PHIP: variants seen among roughly 807,000 people sequenced by gnomAD.
PHIP encodes the protein PHIP subunit of CUL4-Ring ligase complex.
In PHIP, 54 loss-of-function variants were observed where a neutral mutation model predicts 236.8. The ratio of observed to expected loss-of-function variants is 0.23; its 90% confidence interval spans 0.18 to 0.29. PHIP has a LOEUF of 0.29. Ranked by LOEUF, PHIP falls within the 10% of genes least tolerant of loss-of-function variation. The pLI is 1.00. For missense variants in PHIP, 1,370 were observed against 2,190.8 expected (o/e 0.63, Z 7.48); for synonymous variants, 756 against 718.9 (o/e 1.05, Z -0.83).
At chr6:79,009,233 T>C (rs954992128) in intron 15 of PHIP, among the ~76,000 whole-genome samples, 14 of 152,162 alleles carry the variant, frequency 9.2e-5, no homozygotes, top group African/African-American at 3.4e-4. Context: ...CAATTTGTTT[T>C]TCGTCATTAT....
At chr6:79,042,369 G>A (rs564391691) in intron 7 of PHIP, among the ~76,000 whole-genome samples, 1 of 152,032 alleles carries the variant, frequency 6.6e-6, no homozygotes, top group South Asian at 2.1e-4. Context: ...GATATGCTCA[G>A]AATTTTTTAG....
chr6:79,008,408 A>G (rs762831493), intron 15 of PHIP, among the ~76,000 whole-genome samples: 3 of 152,122 alleles, frequency 2.0e-5, no homozygotes, highest in African/African-American at 4.8e-5. Context: ...TCAGCTCTAG[A>G]TTTTCATCAA....
At position 78,965,982 on chromosome 6, in the gene PHIP, C is replaced by T. The variant is rs1582123376; in HGVS notation, c.3280G>A (p.Glu1094Lys). Reference protein sequence around the residue: ...TIESQEPLQLEYPDSLFQCYN... With the variant: ...TIESQEPLQLKYPDSLFQCYN... Reference sequence around the variant, plus strand: ...CATTGAAACAGACTATCAGGGTACTCAAGTTGAAGAGGTTCCTGGCTTTCG... The same window carrying T: ...CATTGAAACAGACTATCAGGGTACTTAAGTTGAAGAGGTTCCTGGCTTTCG... The change falls in exon 28 of 40, where the codon GAG (glutamate) becomes AAG (lysine). Residue 1094 changes from glutamate (E) to lysine (K), a missense_variant. Around this residue, in one of 14 missense-constraint regions of PHIP, gnomAD observed 238 missense variants for 398.5 expected, o/e 0.60. Transcript: ENST00000275034. 6.2e-7 allele frequency: 1 copy of T among 1,612,848 alleles called. No individual in the cohort carries two copies. The highest frequency in any genetic ancestry group is 2.2e-5 in the East Asian group (1 of 44,852).
At chr6:79,015,552 A>C (rs1770795629) in intron 14 of PHIP, 78 bp downstream of exon 14, 1 of 1,093,700 alleles carries the variant, frequency 9.1e-7, no homozygotes, top group African/African-American at 1.6e-5. Context: ...AACATAAAAG[A>C]CTTTATTCCT....
In PHIP at chr6:78,941,338, G is replaced by A; in HGVS notation, c.4829-8C>T. 1.2e-6 allele frequency: 2 copies of A among 1,605,864 alleles called. No homozygotes were observed. The highest frequency in any genetic ancestry group is 1.7e-6 in the Non-Finnish European group (2 of 1,175,396). ...CGTTGTTCTTACAATCTCCTAAAAGGGAACAACAGTACACTTAATATATGG... is the reference window on the plus strand; with the variant it reads ...CGTTGTTCTTACAATCTCCTAAAAGAGAACAACAGTACACTTAATATATGG... On this transcript the variant is annotated splice_region_variant and splice_polypyrimidine_tract_variant and intron_variant, in intron 39 of 39. Coordinates refer to ENST00000275034, the MANE Select transcript of PHIP (RefSeq NM_017934.7).
At chr6:78,960,797 A>C (rs183128414) in intron 31 of PHIP, among the ~76,000 whole-genome samples, 1 of 152,254 alleles carries the variant, frequency 6.6e-6, no homozygotes, top group East Asian at 1.9e-4. Context: ...ATAGCCCCTC[A>C]CAATGAGATA....
intron 7 of PHIP, among the ~76,000 whole-genome samples, chr6:79,039,410 T>C (rs1772099740): frequency 6.6e-6 from 1 of 151,748 alleles, no homozygotes; most frequent in African/African-American, 2.4e-5. Flanking sequence ...TCTAGTAAAT[T>C]TCCCTTACCA....
At chr6:79,018,808 C>G (rs1770967023) in intron 10 of PHIP, among the ~76,000 whole-genome samples, 1 of 151,934 alleles carries the variant, frequency 6.6e-6, no homozygotes, top group African/African-American at 2.4e-5. Context: ...AACATTCATT[C>G]TTTAACAGGG....
chr6:79,033,900 G>T (rs1161441031), intron 7 of PHIP, among the ~76,000 whole-genome samples: 3 of 152,100 alleles, frequency 2.0e-5, no homozygotes, highest in Non-Finnish European at 4.4e-5. Flanking sequence ...GCCATTGTAG[G>T]GTTATTAATT....
At chr6:78,992,220 C>T (rs1769310871) in intron 19 of PHIP, among the ~76,000 whole-genome samples, 1 of 152,072 alleles carries the variant, frequency 6.6e-6, no homozygotes, top group Non-Finnish European at 1.5e-5. Context: ...ACCTCGGCCT[C>T]CCAAAGTGCT....
rs1299172691 is a variant in PHIP at position 78,966,028 on chromosome 6, A to G, written c.3234T>C (p.Asp1078=). 3 of 1,613,712 alleles carry G rather than the reference A, an allele frequency of 1.9e-6. No homozygotes were observed. The highest frequency in any genetic ancestry group is 3.3e-5 in the Admixed American group (2 of 60,024). The change falls in exon 28 of 40, where the codon GAT becomes GAC. Residue 1078 remains aspartate, a synonymous_variant. Transcript: ENST00000275034. The stretch of plus-strand genomic sequence containing the variant: ...TTTCGATTGTTCCAAACCACCAGGC[A>G]TCATCTATGACAGACCTGAAGCGGT... The part of the protein sequence containing the change: ...IGDRFRSVID[D]AWWFGTIESQ...
intron 24 of PHIP, among the ~76,000 whole-genome samples, chr6:78,977,200 A>G (rs1177327106): frequency 6.6e-6 from 1 of 151,126 alleles, no homozygotes; most frequent in Non-Finnish European, 1.5e-5. Context: ...GCAGCTATAA[A>G]AAATGATGAG....
chr6:79,026,756 T>C (rs1771422378), intron 7 of PHIP, among the ~76,000 whole-genome samples: 1 of 151,890 alleles, frequency 6.6e-6, no homozygotes, highest in South Asian at 2.1e-4. Flanking sequence ...GGATATGGAG[T>C]TTCCTATGAA....
At chr6:78,984,235 T>G (rs115817393) in intron 22 of PHIP, among the ~76,000 whole-genome samples, 1 of 152,196 alleles carries the variant, frequency 6.6e-6, no homozygotes, top group African/African-American at 2.4e-5. Context: ...AATTAAGATG[T>G]TCTCTAGCAT....
chr6:79,050,254 C>G (rs1273072896), intron 6 of PHIP, among the ~76,000 whole-genome samples: 1 of 152,132 alleles, frequency 6.6e-6, no homozygotes, highest in East Asian at 1.9e-4. Context: ...AGAATAACAG[C>G]TAGTATTTAC....
At chr6:79,035,870 C>T (rs144884191) in intron 7 of PHIP, among the ~76,000 whole-genome samples, 1 of 152,194 alleles carries the variant, frequency 6.6e-6, no homozygotes, top group East Asian at 1.9e-4. Context: ...TTTCATTTCC[C>T]TTACAAATCA....
In PHIP at chr6:79,001,830, C is replaced by T. The variant is rs1770014900; in HGVS notation, c.1879+69G>A. The T allele has an allele frequency of 6.1e-6, 6 of 979,422 alleles. No individual in the cohort carries two copies. In the East Asian group the frequency reaches 1.2e-4, roughly 20 times the overall value. The allele number at this position is 979,422 out of a possible 1,614,324, so 60.7% of individuals were successfully genotyped here. On this transcript the variant is annotated intron_variant, in intron 17 of 39. Coordinates refer to ENST00000275034, the MANE Select transcript of PHIP (RefSeq NM_017934.7). ...CTTAACAACTGCAAACAAAGTTTTACTCAATTAGCAATTTTAACAGTTCGG... is the reference window on the plus strand; with the variant it reads ...CTTAACAACTGCAAACAAAGTTTTATTCAATTAGCAATTTTAACAGTTCGG...
At chr6:78,951,444 T>C (rs532903655) in intron 35 of PHIP, among the ~76,000 whole-genome samples, 2 of 152,284 alleles carry the variant, frequency 1.3e-5, no homozygotes, top group South Asian at 2.1e-4. Flanking sequence ...TATTTTCATA[T>C]AAAAGATGAA....
At chr6:79,050,079 TTAGAG>T (rs1324230147) in intron 6 of PHIP, among the ~76,000 whole-genome samples, 5 of 151,848 alleles carry the variant, frequency 3.3e-5, no homozygotes, top group Non-Finnish European at 7.4e-5. Context: ...CAACCATGGT[TTAGAG>T]TTATGAGAGG....
Sources: allele counts gnomAD v4.1 joint callset (sites outside exome capture counted in the v4.1 genomes callset), GRCh38; gene constraint gnomAD v4.1.1; regional missense constraint gnomAD v4.1.1; transcripts MANE v1.5; gene names NCBI Gene and HGNC (gene_info 2026-07-23, HGNC 2026-07-21).